The following RIPOR2 variants were observed in gnomAD, a reference collection of about 807,000 sequenced individuals.
The protein encoded by RIPOR2 is rho family-interacting cell polarization regulator 2.
A neutral mutation model predicts 114.5 loss-of-function variants in RIPOR2; 39 were observed. The ratio of observed to expected loss-of-function variants is 0.34; its 90% CI spans 0.26 to 0.44. The LOEUF (loss-of-function observed/expected upper bound fraction) is 0.44. Among genes scored for constraint, RIPOR2 ranks in the 20% least tolerant of loss-of-function variants. The pLI is 1.00. For missense variants in RIPOR2, 1,007 were observed against 1,255.1 expected (o/e 0.80, Z 2.99); for synonymous variants, 445 against 484.4 (o/e 0.92, Z 1.07).
At chr6:24,999,702 C>T (rs1336432781) in intron 1 of RIPOR2, among the ~76,000 whole-genome samples, 1 of 151,826 alleles carries the variant, frequency 6.6e-6, no homozygotes, top group Non-Finnish European at 1.5e-5. Flanking sequence ...ACTACAGGCG[C>T]CCACCACCAC....
At chr6:24,942,860 G>T (rs1473568572) in intron 1 of RIPOR2, among the ~76,000 whole-genome samples, 1 of 152,098 alleles carries the variant, frequency 6.6e-6, no homozygotes, top group Non-Finnish European at 1.5e-5. Context: ...CCATTCTGTA[G>T]GTTGCCTGTT....
chr6:24,893,433 G>T (rs1767559937), intron 1 of RIPOR2, among the ~76,000 whole-genome samples: 1 of 152,126 alleles, frequency 6.6e-6, no homozygotes, highest in African/African-American at 2.4e-5. Flanking sequence ...AAGAATGGGG[G>T]ACATAGACTG....
intron 1 of RIPOR2, among the ~76,000 whole-genome samples, chr6:25,017,343 A>G (rs1176140726): frequency 6.6e-6 from 1 of 152,344 alleles, no homozygotes; most frequent in East Asian, 1.9e-4. Flanking sequence ...AATGCCATTT[A>G]GGCAGAGCAA....
At position 24,840,164 on chromosome 6, in the gene RIPOR2, C is replaced by T. The variant is rs767285963; in HGVS notation, c.1858-892G>A. On this transcript the variant is annotated intron_variant, in intron 13 of 21. Transcript: ENST00000643898. ...CAGGGTCTCCCTATGTTGACCATACCGGTCTTGAACTCTTGGGCTCCAGCA... is the reference window on the plus strand; with the variant it reads ...CAGGGTCTCCCTATGTTGACCATACTGGTCTTGAACTCTTGGGCTCCAGCA... The T allele has an allele frequency of 6.4e-5, 56 of 876,096 alleles. No homozygotes were observed. The Middle Eastern group carries it at 2.3e-3, about 36-fold the overall frequency. The allele number at this position is 876,096 out of a possible 1,614,324, so 54.3% of individuals were successfully genotyped here.
chr6:25,028,302 G>A (rs1267680129), intron 1 of RIPOR2, among the ~76,000 whole-genome samples: 2 of 152,142 alleles, frequency 1.3e-5, no homozygotes, highest in Non-Finnish European at 2.9e-5. Flanking sequence ...TTGGGGATAG[G>A]TGGTAGGGTG....
intron 1 of RIPOR2, among the ~76,000 whole-genome samples, chr6:24,987,629 G>A (rs553198829): frequency 6.6e-6 from 1 of 152,258 alleles, no homozygotes; most frequent in African/African-American, 2.4e-5. Flanking sequence ...GAGGTGGAAG[G>A]TCCACACTAC....
At chr6:24,933,533 A>G (rs1428972990) in intron 1 of RIPOR2, among the ~76,000 whole-genome samples, 1 of 152,218 alleles carries the variant, frequency 6.6e-6, no homozygotes, top group Non-Finnish European at 1.5e-5. Context: ...TGAAAACTGA[A>G]TAAAAATACA....
chr6:24,849,794 G>A lies in RIPOR2; in HGVS notation c.1034+8C>T, dbSNP rs757768621. ...TCTATATGATGAAATAAAGGAAGAGGCACTTACTACCAGGTGATTTCCAGG... is the reference window on the plus strand; with the variant it reads ...TCTATATGATGAAATAAAGGAAGAGACACTTACTACCAGGTGATTTCCAGG... On this transcript the variant is annotated splice_region_variant and intron_variant, in intron 11 of 21. Transcript: ENST00000643898. 6.2e-7 allele frequency: 1 copy of A among 1,611,560 alleles called. No individual in the cohort carries two copies. Among genetic ancestry groups the A allele is most frequent in the South Asian group, 1.1e-5 (1 of 90,986 alleles).
At chr6:24,999,276 T>G (rs1775188856) in intron 1 of RIPOR2, among the ~76,000 whole-genome samples, 1 of 152,188 alleles carries the variant, frequency 6.6e-6, no homozygotes, top group African/African-American at 2.4e-5. Context: ...TATTATATGC[T>G]CATTAACATA....
In RIPOR2 at chr6:24,887,187, G is replaced by A. The variant is rs114060565; in HGVS notation, c.62-11370C>T. ...ACTGATGGGGTACTAACATCTTCAGGGCCTTGCTTGTATTTTAGTTATTTT... is the reference window on the plus strand; with the variant it reads ...ACTGATGGGGTACTAACATCTTCAGAGCCTTGCTTGTATTTTAGTTATTTT... On this transcript the variant is annotated intron_variant, in intron 1 of 21. Coordinates refer to ENST00000643898, the MANE Select transcript of RIPOR2 (RefSeq NM_001286445.3). Among the ~76,000 whole-genome samples, 1,338 of 152,142 alleles carry A rather than the reference G, an allele frequency of 8.8e-3. 16 individuals are homozygous for A. Among genetic ancestry groups the A allele is most frequent in the Middle Eastern group, 0.034 (10 of 294 alleles).
At chr6:25,034,914 A>G (rs2113768126) in intron 1 of RIPOR2, among the ~76,000 whole-genome samples, 1 of 152,344 alleles carries the variant, frequency 6.6e-6, no homozygotes, top group South Asian at 2.1e-4. Context: ...CCTTGACAGT[A>G]TAAACTGGAA....
intron 1 of RIPOR2, among the ~76,000 whole-genome samples, chr6:25,029,167 A>G (rs1350229813): frequency 2.6e-5 from 4 of 152,170 alleles, no homozygotes; most frequent in African/African-American, 9.7e-5. Context: ...GCGCATCTGT[A>G]GTCCCAAGTA....
At chr6:24,923,186 C>A (rs934039445) in intron 1 of RIPOR2, among the ~76,000 whole-genome samples, 1 of 152,156 alleles carries the variant, frequency 6.6e-6, no homozygotes, top group Non-Finnish European at 1.5e-5. Context: ...AAGGTCCATG[C>A]ATGTGGTAGC....
intron 1 of RIPOR2, among the ~76,000 whole-genome samples, chr6:24,930,470 C>T (rs1241229296): frequency 6.6e-6 from 1 of 152,154 alleles, no homozygotes; most frequent in African/African-American, 2.4e-5. Context: ...TCACTGGGGG[C>T]CATAAATCAG....
At chr6:24,878,475 G>A (rs1766022167) in intron 1 of RIPOR2, among the ~76,000 whole-genome samples, 1 of 152,018 alleles carries the variant, frequency 6.6e-6, no homozygotes, top group South Asian at 2.1e-4. Flanking sequence ...TATATCTATT[G>A]TATCACAGAC....
At chr6:24,877,098 C>T in intron 1 of RIPOR2, 4 of 985,330 alleles carry the variant, frequency 4.1e-6, no homozygotes, top group Non-Finnish European at 4.8e-6. Context: ...CCTTTAAAGA[C>T]TCAAAGAAAG....
chr6:25,026,429 C>T (rs551048714), intron 1 of RIPOR2, among the ~76,000 whole-genome samples: 39 of 151,998 alleles, frequency 2.6e-4, no homozygotes, highest in Non-Finnish European at 4.3e-4. Context: ...TAAAGGACTG[C>T]GAAGGGCGGA....
chr6:24,804,333 T>C lies in RIPOR2; in HGVS notation c.*2040A>G, dbSNP rs1780653909. ...TATTTTAACTTACATGACTGAAAGATCAATGAATACAAATGCCACACAACT... is the reference window on the plus strand; with the variant it reads ...TATTTTAACTTACATGACTGAAAGACCAATGAATACAAATGCCACACAACT... On this transcript the variant is annotated 3_prime_UTR_variant, in exon 22 of 22. Coordinates refer to ENST00000643898, the MANE Select transcript of RIPOR2 (RefSeq NM_001286445.3). The C allele has an allele frequency of 1.3e-5, 2 of 151,858 alleles. No individual in the cohort carries two copies. Among genetic ancestry groups the C allele is most frequent in the African/African-American group, 4.8e-5 (2 of 41,294 alleles). The allele number at this position is 151,858 out of a possible 1,614,324, so 9.4% of individuals were successfully genotyped here.
chr6:24,860,047 A>G (rs1763912984), intron 8 of RIPOR2, among the ~76,000 whole-genome samples: 1 of 152,160 alleles, frequency 6.6e-6, no homozygotes, highest in African/African-American at 2.4e-5. Context: ...GCAATGCTCT[A>G]TTTTCTAAAA....
Sources: gnomAD v4.1 joint callset for allele counts (sites outside exome capture counted in the v4.1 genomes callset) on GRCh38, gnomAD v4.1.1 for gene constraint, MANE v1.5 for transcripts, NCBI Gene and HGNC (gene_info 2026-07-23, HGNC 2026-07-21) for gene names.